Variants in USP15 observed in about 807,000 individuals in gnomAD.
The protein encoded by USP15 is ubiquitin specific peptidase 15.
A neutral mutation model predicts 127.1 loss-of-function variants in USP15; 18 were observed. That is an observed-to-expected ratio of 0.14 (90% CI 0.10 to 0.21). The LOEUF is 0.21. Among genes scored for constraint, USP15 ranks in the 10% least tolerant of loss-of-function variants. The pLI is 1.00. For synonymous variants in USP15, 364 were observed against 393.7 expected (o/e 0.92, Z 0.89); for missense variants, 805 against 1,159.9 (o/e 0.69, Z 4.44).
At chr12:62,322,798 T>C (rs1015427949) in intron 5 of USP15, among the ~76,000 whole-genome samples, 1 of 152,178 alleles carries the variant, frequency 6.6e-6, no homozygotes, top group African/African-American at 2.4e-5. Flanking sequence ...TACCTACTCT[T>C]CCACCATCTC....
At chr12:62,343,896 C>A (rs2065728901) in intron 6 of USP15, among the ~76,000 whole-genome samples, 1 of 152,190 alleles carries the variant, frequency 6.6e-6, no homozygotes, top group Non-Finnish European at 1.5e-5. Context: ...TCATGAGACC[C>A]ATTCACTATC....
intron 3 of USP15, among the ~76,000 whole-genome samples, chr12:62,306,793 GA>G (rs2064497195): frequency 6.6e-6 from 1 of 152,024 alleles, no homozygotes; most frequent in African/African-American, 2.4e-5. Context: ...AGTATTCTCA[GA>G]AAAAAAGTGT....
chr12:62,280,492 A>G (rs1592485268), intron 1 of USP15, among the ~76,000 whole-genome samples: 1 of 152,168 alleles, frequency 6.6e-6, no homozygotes, highest in African/African-American at 2.4e-5. Flanking sequence ...GGTGAGGAGG[A>G]CACAGCATAC....
At position 62,404,501 on chromosome 12, in the gene USP15, C is replaced by T; in HGVS notation, c.*126C>T. The T allele has an allele frequency of 7.5e-7, 1 of 1,337,704 alleles. No individual in the cohort carries two copies. The highest frequency in any genetic ancestry group is 9.8e-7 in the Non-Finnish European group (1 of 1,022,238). The allele number at this position is 1,337,704 out of a possible 1,614,324, so 82.9% of individuals were successfully genotyped here. Reference sequence around the variant, plus strand: ...AGTTTCAGATAACCGAATGTAAATCCTTTATCAGATTTTAACTTGTGCAGT... The same window carrying T: ...AGTTTCAGATAACCGAATGTAAATCTTTTATCAGATTTTAACTTGTGCAGT... On this transcript the variant is annotated 3_prime_UTR_variant, in exon 22 of 22. Transcript: ENST00000280377.
At chr12:62,354,530 A>T (rs777591587) in intron 7 of USP15, among the ~76,000 whole-genome samples, 2 of 151,914 alleles carry the variant, frequency 1.3e-5, no homozygotes, top group Non-Finnish European at 2.9e-5. Flanking sequence ...TTTTCACAAA[A>T]TTATTTTTTA....
rs2068121649 is a variant in USP15, at chr12:62,414,974, A to ATG, written c.*10600_*10601insGT. The stretch of plus-strand genomic sequence containing the variant: ...TCCCTCATATATACACATATCATGT[A>ATG]TATACATATATATCATATATGTACA... On this transcript the variant is annotated 3_prime_UTR_variant, in exon 22 of 22. Transcript: ENST00000280377. 2 of 150,628 alleles carry ATG rather than the reference A, an allele frequency of 1.3e-5. No homozygotes were observed. Among genetic ancestry groups the ATG allele is most frequent in the African/African-American group, 4.9e-5 (2 of 41,148 alleles). 9.3% of individuals were successfully genotyped at this position (150,628 alleles called of 1,614,324 possible). A position where few individuals can be genotyped will look rare whatever the true frequency, so the allele number is the denominator to read the frequency against.
chr12:62,365,072 C>T (rs988429315), intron 8 of USP15, among the ~76,000 whole-genome samples: 1 of 152,096 alleles, frequency 6.6e-6, no homozygotes, highest in Non-Finnish European at 1.5e-5. Context: ...GGTATATACC[C>T]AGTAATGGGA....
intron 1 of USP15, among the ~76,000 whole-genome samples, chr12:62,277,088 T>C (rs1247662581): frequency 6.6e-6 from 1 of 152,164 alleles, no homozygotes; most frequent in Non-Finnish European, 1.5e-5. Flanking sequence ...ACATAACTTC[T>C]GTGTTAAACA....
chr12:62,392,936 T>A, intron 18 of USP15, 117 bp from the exon 19 acceptor site: 1 of 1,105,492 alleles, frequency 9.0e-7, no homozygotes, highest in Non-Finnish European at 1.3e-6. Flanking sequence ...ATATTAGGCA[T>A]ACTATAATTG....
rs989717417 is a variant in USP15 at position 62,409,648 on chromosome 12, C to CA, written c.*5274dup. 1 of 152,058 alleles carries CA rather than the reference C, an allele frequency of 6.6e-6. No individual in the cohort carries two copies. Among genetic ancestry groups the CA allele is most frequent in the African/African-American group, 2.4e-5 (1 of 41,424 alleles). 9.4% of individuals were successfully genotyped at this position (152,058 alleles called of 1,614,324 possible). ...ACAAAACAGTTTTTATCTGCTGTGACATTTAAGTTTGTTGTTAGCTGGAGT... is the reference window on the plus strand; with the variant it reads ...ACAAAACAGTTTTTATCTGCTGTGACAATTTAAGTTTGTTGTTAGCTGGAGT... On this transcript the variant is annotated 3_prime_UTR_variant, in exon 22 of 22. Transcript: ENST00000280377.
At chr12:62,389,297 G>T (rs1292156595) in intron 11 of USP15, 134 bp from the exon 12 acceptor site, 9 of 702,936 alleles carry the variant, frequency 1.3e-5, no homozygotes, top group South Asian at 3.9e-5. Flanking sequence ...CAGGACCCAG[G>T]ATAGTGGCAA....
At chr12:62,389,250 A>G (rs573851309) in intron 11 of USP15, among the ~76,000 whole-genome samples, 181 bp from the exon 12 acceptor site, 1 of 152,324 alleles carries the variant, frequency 6.6e-6, no homozygotes, top group East Asian at 1.9e-4. Context: ...AAGGAATGAT[A>G]AAACTAGGAC....
At chr12:62,306,460 G>A (rs1376162007) in intron 3 of USP15, among the ~76,000 whole-genome samples, 1 of 152,166 alleles carries the variant, frequency 6.6e-6, no homozygotes, top group Non-Finnish European at 1.5e-5. Flanking sequence ...AGAACTTGAA[G>A]TGAGGAAAGT....
At chr12:62,397,655 A>C (rs1420589317) in intron 20 of USP15, among the ~76,000 whole-genome samples, 1 of 151,906 alleles carries the variant, frequency 6.6e-6, no homozygotes, top group Non-Finnish European at 1.5e-5. Flanking sequence ...CCATGAGATC[A>C]AGACCATCCT....
Position 62,339,507 on chromosome 12 carries a change from A to G in USP15, c.684-9714A>G, listed in dbSNP as rs141688823. Among the ~76,000 whole-genome samples, 25 of 152,218 alleles carry G rather than the reference A, an allele frequency of 1.6e-4. No homozygotes were observed. The East Asian group carries it at 4.6e-3, about 28-fold the overall frequency. On this transcript the variant is annotated intron_variant, in intron 6 of 21. Coordinates refer to ENST00000280377, the MANE Select transcript of USP15 (RefSeq NM_001252078.2). ...TGCTTCCAGCTTTTGCCCATTCAATATGATATTGGCTATGGGTCTGTCATA... is the reference window on the plus strand; with the variant it reads ...TGCTTCCAGCTTTTGCCCATTCAATGTGATATTGGCTATGGGTCTGTCATA...
intron 6 of USP15, among the ~76,000 whole-genome samples, chr12:62,332,580 T>A (rs923372503): frequency 6.6e-6 from 1 of 152,206 alleles, no homozygotes; most frequent in Non-Finnish European, 1.5e-5. Context: ...TTTCATTGAT[T>A]AGTCAAAAAG....
chr12:62,349,389 G>A, intron 7 of USP15, 82 bp downstream of exon 7: 1 of 914,964 alleles, frequency 1.1e-6, no homozygotes, highest in Non-Finnish European at 1.5e-6. Flanking sequence ...CTAAAATTTA[G>A]GATAAAAGTC....
At chr12:62,338,986 G>GT (rs879936807) in intron 6 of USP15, among the ~76,000 whole-genome samples, 28 of 152,252 alleles carry the variant, frequency 1.8e-4, no homozygotes, top group Middle Eastern at 3.4e-3. Context: ...ATTTAAAGTA[G>GT]TTTTTTCTAA....
At chr12:62,368,736 A>G (rs1269005737) in intron 8 of USP15, among the ~76,000 whole-genome samples, 1 of 152,156 alleles carries the variant, frequency 6.6e-6, no homozygotes, top group Non-Finnish European at 1.5e-5. Flanking sequence ...AATACAGCAC[A>G]TTCATGGGTC....
Sources: gnomAD v4.1 joint callset for allele counts (sites outside exome capture counted in the v4.1 genomes callset) on GRCh38, gnomAD v4.1.1 for gene constraint, MANE v1.5 for transcripts, NCBI Gene and HGNC (gene_info 2026-07-23, HGNC 2026-07-21) for gene names.